The following KATNAL1 variants were observed in gnomAD, a reference collection of about 807,000 sequenced individuals.
KATNAL1 encodes katanin p60 ATPase-containing subunit A-like 1.
KATNAL1 carries 32 observed loss-of-function variants against 55.2 expected under a neutral mutation model. The observed-to-expected ratio is 0.58, with a 90% confidence interval of 0.44 to 0.78. The LOEUF (loss-of-function observed/expected upper bound fraction) is 0.78. Among genes scored for constraint, KATNAL1 ranks in the 30% least tolerant of loss-of-function variants. KATNAL1 has a pLI of 0.00. For synonymous variants in KATNAL1, 193 were observed against 193.6 expected, an observed-to-expected ratio of 1.00 and a Z score of 0.02; for missense variants, 466 against 600.9, an observed-to-expected ratio of 0.78 and a Z score of 2.35.
intron 9 of KATNAL1, among the ~76,000 whole-genome samples, chr13:30,225,608 T>C (rs777232876): frequency 1.3e-5 from 2 of 150,642 alleles, no homozygotes; most frequent in Non-Finnish European, 3.0e-5. Flanking sequence ...CAGTAAGTGA[T>C]GATACAACTG....
intron 3 of KATNAL1, among the ~76,000 whole-genome samples, chr13:30,266,253 C>A (rs181843913): frequency 2.2e-4 from 33 of 152,086 alleles, no homozygotes; most frequent in Middle Eastern, 3.4e-3. Context: ...CCGCCCACCT[C>A]GGCCTCCCAA....
At chr13:30,292,489 C>T (rs1348971169) in intron 1 of KATNAL1, among the ~76,000 whole-genome samples, 1 of 151,966 alleles carries the variant, frequency 6.6e-6, no homozygotes, top group East Asian at 1.9e-4. Context: ...GCTTAGAGAA[C>T]CTGAATCTAT....
intron 8 of KATNAL1, among the ~76,000 whole-genome samples, chr13:30,230,054 T>C (rs189063002): frequency 6.6e-6 from 1 of 151,858 alleles, no homozygotes; most frequent in Non-Finnish European, 1.5e-5. Flanking sequence ...ATACCCTACG[T>C]CTTACAGCCT....
intron 4 of KATNAL1, among the ~76,000 whole-genome samples, chr13:30,248,134 G>C (rs1043563943): frequency 2.0e-5 from 3 of 152,150 alleles, no homozygotes; most frequent in African/African-American, 7.2e-5. Context: ...AATACAGAAA[G>C]ACTGTTCAGT....
At position 30,205,731 on chromosome 13, in the gene KATNAL1, C is replaced by G. The variant is rs114829192; in HGVS notation, c.*2809G>C. ...GCACTCATTCTGGTAAGGCAACACA[C>G]TGTCTTCTGCAATAAAGACTGTGTG... On this transcript the variant is annotated 3_prime_UTR_variant, in exon 11 of 11. Transcript: ENST00000380615. 0.023 allele frequency: 3,415 copies of G among 150,104 alleles called. 138 individuals are homozygous for G. Among genetic ancestry groups the G allele is most frequent in the African/African-American group, 0.081 (3,161 of 39,174 alleles). The allele number at this position is 150,104 out of a possible 1,614,324, so 9.3% of individuals were successfully genotyped here.
chr13:30,241,022 T>C lies in KATNAL1; in HGVS notation c.557A>G (p.Tyr186Cys), dbSNP rs774707432. Residue 186 changes from tyrosine to cysteine, a missense_variant, in exon 5 of 11, where the codon TAT (tyrosine) becomes TGT (cysteine). Physicochemically the swap from Tyr to Cys is radical, Grantham distance 194. Coordinates refer to ENST00000380615, the MANE Select transcript of KATNAL1 (RefSeq NM_032116.5). The part of the protein sequence containing the change: ...GEMPKFDGAG[Y>C]DKDLVEALER... The stretch of plus-strand genomic sequence containing the variant: ...AAGGGCTTCCACCAGATCCTTATCA[T>C]AACCAGCACCATCAAATTTTGGCAT... 2 of 1,613,776 alleles carry C rather than the reference T, an allele frequency of 1.2e-6. No homozygotes were observed. The highest frequency in any genetic ancestry group is 2.2e-5 in the South Asian group (2 of 91,062).
rs187364798 is a variant in KATNAL1 at position 30,211,877 on chromosome 13, G to C, written c.1148-1435C>G. Among the ~76,000 whole-genome samples the C allele has an allele frequency of 1.2e-4, 19 of 152,336 alleles. No individual in the cohort carries two copies. The East Asian group carries it at 3.5e-3, about 28-fold the overall frequency. ...ACCCTCTTGTGGAAATAGACAAATA[G>C]ATCAATAGTACAGAACGGGGTGCCC... On this transcript the variant is annotated intron_variant, in intron 9 of 10. Transcript: ENST00000380615.
chr13:30,299,558 T>G (rs1882735669), intron 1 of KATNAL1, among the ~76,000 whole-genome samples: 1 of 152,160 alleles, frequency 6.6e-6, no homozygotes, highest in South Asian at 2.1e-4. Flanking sequence ...TGAAACATAG[T>G]TTTTTAAATC....
At chr13:30,296,981 T>C (rs925039106) in intron 1 of KATNAL1, among the ~76,000 whole-genome samples, 1 of 151,428 alleles carries the variant, frequency 6.6e-6, no homozygotes, top group Non-Finnish European at 1.5e-5. Context: ...CAATAAAGTA[T>C]TAGGGACAAG....
At chr13:30,261,965 G>A (rs1398299787) in intron 3 of KATNAL1, among the ~76,000 whole-genome samples, 2 of 152,112 alleles carry the variant, frequency 1.3e-5, no homozygotes, top group African/African-American at 4.8e-5. Flanking sequence ...CACATACTTG[G>A]AAGTAAAGTT....
At chr13:30,259,715 G>A (rs1206678171) in intron 3 of KATNAL1, among the ~76,000 whole-genome samples, 1 of 152,364 alleles carries the variant, frequency 6.6e-6, no homozygotes, top group East Asian at 1.9e-4. Context: ...CTGGCTCGGA[G>A]GGTCCTATGC....
intron 9 of KATNAL1, among the ~76,000 whole-genome samples, chr13:30,211,296 C>G (rs1008148465): frequency 1.3e-5 from 2 of 152,208 alleles, no homozygotes; most frequent in African/African-American, 4.8e-5. Context: ...GCCATTATCA[C>G]TCTAGCTGGC....
At chr13:30,271,678 C>T (rs947303726) in intron 3 of KATNAL1, among the ~76,000 whole-genome samples, 7 of 152,076 alleles carry the variant, frequency 4.6e-5, no homozygotes, top group African/African-American at 1.7e-4. Context: ...GAGATGTAGG[C>T]AGGGACATAG....
chr13:30,292,084 A>G (rs1882172341), intron 1 of KATNAL1, among the ~76,000 whole-genome samples: 1 of 152,180 alleles, frequency 6.6e-6, no homozygotes. Flanking sequence ...ACTGACATAA[A>G]GGCAGACACA....
chr13:30,281,819 C>T (rs962470082), intron 2 of KATNAL1: 1 of 152,182 alleles, frequency 6.6e-6, no homozygotes. Flanking sequence ...AGAAGACCAG[C>T]ATGTTCCCTG....
At chr13:30,283,836 C>A in intron 1 of KATNAL1, 45 bp from the exon 2 acceptor site, 17 of 1,219,730 alleles carry the variant, frequency 1.4e-5, no homozygotes, top group Admixed American at 2.3e-5. Flanking sequence ...TCAGCACTGA[C>A]TTTAAAACAT....
intron 1 of KATNAL1, among the ~76,000 whole-genome samples, chr13:30,291,716 C>G (rs1321982317): frequency 6.6e-6 from 1 of 152,104 alleles, no homozygotes; most frequent in African/African-American, 2.4e-5. Context: ...ATGTCTACTA[C>G]ATGATTTTAA....
chr13:30,252,552 T>C (rs75637245), intron 4 of KATNAL1, among the ~76,000 whole-genome samples: 4,127 of 152,238 alleles, frequency 0.027, 73 homozygotes, highest in Middle Eastern at 0.054. Context: ...CATAAACATA[T>C]GAATAAATTT....
At chr13:30,258,035 G>C (rs1380844279) in intron 3 of KATNAL1, among the ~76,000 whole-genome samples, 8 of 152,156 alleles carry the variant, frequency 5.3e-5, no homozygotes, top group African/African-American at 1.4e-4. Flanking sequence ...AGGTCTCAAG[G>C]CTTCTTTTAC....
Sources: gnomAD v4.1 joint callset for allele counts (sites outside exome capture counted in the v4.1 genomes callset) on GRCh38, gnomAD v4.1.1 for gene constraint, MANE v1.5 for transcripts, NCBI Gene and HGNC (gene_info 2026-07-23, HGNC 2026-07-21) for gene names.